Variants in SERPINE2 observed in about 807,000 individuals in gnomAD.
SERPINE2 encodes the protein glia-derived nexin.
In SERPINE2, 14 loss-of-function variants were observed where a neutral mutation model predicts 36.3. The ratio of observed to expected loss-of-function variants is 0.39; its 90% CI spans 0.25 to 0.60. The LOEUF (loss-of-function observed/expected upper bound fraction) is 0.60, where lower values mean the gene tolerates loss of function less well. Among genes scored for constraint, SERPINE2 ranks in the 20% least tolerant of loss-of-function variants. SERPINE2 has a pLI of 0.57. For missense variants in SERPINE2, 418 were observed against 499.6 expected, an observed-to-expected ratio of 0.84 and a Z score of 1.56; for synonymous variants, 192 against 191.8, an observed-to-expected ratio of 1.00 and a Z score of -0.01.
At chr2:223,993,570 G>A (rs1443234818) in intron 3 of SERPINE2, among the ~76,000 whole-genome samples, 1 of 151,760 alleles carries the variant, frequency 6.6e-6, no homozygotes, top group Non-Finnish European at 1.5e-5. Context: ...ATGTGTGTAT[G>A]TGTATAAATA....
chr2:224,034,801 C>A (rs757452372), intron 1 of SERPINE2, among the ~76,000 whole-genome samples: 1 of 152,098 alleles, frequency 6.6e-6, no homozygotes, highest in Non-Finnish European at 1.5e-5. Context: ...AGGGGGGCTG[C>A]GAGGAAGTGG....
At chr2:224,010,816 C>T (rs1466342032) in intron 1 of SERPINE2, among the ~76,000 whole-genome samples, 4 of 152,200 alleles carry the variant, frequency 2.6e-5, no homozygotes, top group African/African-American at 7.2e-5. Context: ...TTCTGGTCCT[C>T]TTCAATGCTC....
At chr2:224,030,853 T>C in intron 1 of SERPINE2, 1 of 551,956 alleles carries the variant, frequency 1.8e-6, no homozygotes, top group South Asian at 7.9e-5. Context: ...GACTCTTGTG[T>C]AAATCTCTCT....
intron 1 of SERPINE2, among the ~76,000 whole-genome samples, chr2:224,016,058 A>G (rs1427640535): frequency 6.6e-6 from 1 of 152,268 alleles, no homozygotes; most frequent in Non-Finnish European, 1.5e-5. Flanking sequence ...GGGGAAATCC[A>G]AATTTTTAAA....
intron 1 of SERPINE2, among the ~76,000 whole-genome samples, chr2:224,034,920 G>A (rs1692484875): frequency 6.6e-6 from 1 of 152,162 alleles, no homozygotes; most frequent in African/African-American, 2.4e-5. Context: ...TCAGAAACTC[G>A]GGTACAACAC....
chr2:224,012,736 A>C (rs1307773852), intron 1 of SERPINE2, among the ~76,000 whole-genome samples: 1 of 152,216 alleles, frequency 6.6e-6, no homozygotes, highest in Admixed American at 6.5e-5. Context: ...AGCCTTCAAA[A>C]TTTCTGTAAT....
chr2:223,993,167 A>T (rs1690739948), intron 3 of SERPINE2, among the ~76,000 whole-genome samples: 1 of 152,138 alleles, frequency 6.6e-6, no homozygotes, highest in South Asian at 2.1e-4. Context: ...AGACAGAAAA[A>T]ATTAAGGTCT....
At chr2:224,014,764 G>A (rs531270239) in intron 1 of SERPINE2, among the ~76,000 whole-genome samples, 9 of 152,286 alleles carry the variant, frequency 5.9e-5, no homozygotes, top group African/African-American at 1.9e-4. Flanking sequence ...CAAGGCTGCC[G>A]TGTAAACAAG....
chr2:223,982,850 A>G, intron 5 of SERPINE2, 69 bp from the exon 6 acceptor site: 2 of 1,090,810 alleles, frequency 1.8e-6, no homozygotes, highest in Non-Finnish European at 2.7e-6. Context: ...GAGTCGGTGC[A>G]TGTTTACAAA....
intron 1 of SERPINE2, chr2:224,031,150 T>C: frequency 1.0e-6 from 1 of 985,452 alleles, no homozygotes; most frequent in Non-Finnish European, 1.2e-6. Context: ...TGGTATCAGC[T>C]CACGGTTCAC....
chr2:223,980,883 T>C (rs1690204541), intron 6 of SERPINE2: 1 of 155,692 alleles, frequency 6.4e-6, no homozygotes, highest in Non-Finnish European at 1.4e-5. Context: ...GTCCTGGCTC[T>C]TCACAACAGC....
chr2:223,977,832 C>T (rs1465342255), intron 7 of SERPINE2: 1 of 522,302 alleles, frequency 1.9e-6, no homozygotes, highest in East Asian at 3.3e-5. Flanking sequence ...TTACATTACT[C>T]TCTCATGTCT....
intron 1 of SERPINE2, among the ~76,000 whole-genome samples, 191 bp from the exon 2 acceptor site, chr2:224,002,113 A>T (rs10206895): frequency 0.68 from 103,388 of 151,612 alleles, 35,448 homozygotes; most frequent in Non-Finnish European, 0.73. Context: ...AGTAGCTGGA[A>T]TTACAGGCGT....
intron 1 of SERPINE2, among the ~76,000 whole-genome samples, chr2:224,028,094 TA>T (rs1692244250): frequency 6.6e-6 from 1 of 152,168 alleles, no homozygotes; most frequent in Admixed American, 6.5e-5. Context: ...CGCTAAGGGC[TA>T]ACCAAGGGTG....
rs548508799 is a variant in SERPINE2 at position 223,980,149 on chromosome 2, G to A, written c.1072+162C>T. The A allele has an allele frequency of 7.1e-6, 4 of 565,604 alleles. No individual in the cohort carries two copies. The Admixed American group carries it at 1.3e-4, about 18-fold the overall frequency. 35.0% of individuals were successfully genotyped at this position (565,604 alleles called of 1,614,324 possible). On this transcript the variant is annotated intron_variant, in intron 7 of 8. Coordinates refer to ENST00000409304, the MANE Select transcript of SERPINE2 (RefSeq NM_001136528.2). ...CAGATTCTGAGCTTTGTGGTTACAG[G>A]TCTTCAGTCTGTCTGTACTCACTGC...
chr2:224,038,605 C>T (rs771205082), intron 1 of SERPINE2: 3 of 1,027,438 alleles, frequency 2.9e-6, no homozygotes, highest in Non-Finnish European at 4.5e-6. Flanking sequence ...TTTCCCCACA[C>T]CGCGCGTCAC....
At position 224,016,628 on chromosome 2, in the gene SERPINE2, A is replaced by C. The variant is rs186714724; in HGVS notation, c.-22-14706T>G. ...ACTGTATAATCCAGCAATGCTGGAC[A>C]TTTATTAGAGAGAAATGAAAATCAT... is the stretch of plus-strand genomic sequence containing the variant. On this transcript the variant is annotated intron_variant, in intron 1 of 8. Coordinates refer to ENST00000409304, the MANE Select transcript of SERPINE2 (RefSeq NM_001136528.2). 1.8e-3 allele frequency among the ~76,000 whole-genome samples: 275 copies of C among 152,296 alleles called. 2 individuals carry two copies. The highest frequency in any genetic ancestry group is 6.4e-3 in the African/African-American group (266 of 41,554).
intron 3 of SERPINE2, among the ~76,000 whole-genome samples, chr2:223,997,905 C>T (rs972401941): frequency 1.3e-5 from 2 of 152,114 alleles, no homozygotes; most frequent in African/African-American, 4.8e-5. Context: ...TTCTGTTGCC[C>T]AAACTACAGG....
intron 1 of SERPINE2, among the ~76,000 whole-genome samples, chr2:224,018,165 T>C (rs1286111622): frequency 1.3e-5 from 2 of 152,176 alleles, no homozygotes; most frequent in African/African-American, 2.4e-5. Context: ...TAGGAAATGA[T>C]TGATGGTCAC....
Sources: gnomAD v4.1 joint callset for allele counts (sites outside exome capture counted in the v4.1 genomes callset) on GRCh38, gnomAD v4.1.1 for gene constraint, MANE v1.5 for transcripts, NCBI Gene and HGNC (gene_info 2026-07-23, HGNC 2026-07-21) for gene names.